AGBL4: variants seen among roughly 807,000 people sequenced by gnomAD.
AGBL4 encodes cytosolic carboxypeptidase 6.
In AGBL4, 58 loss-of-function variants were observed where a neutral mutation model predicts 66.4. The ratio of observed to expected loss-of-function variants is 0.87; its 90% CI spans 0.71 to 1.09. The LOEUF is 1.09. AGBL4 is among the 50% of genes least tolerant of loss of function. The probability of loss-of-function intolerance (pLI) is 0.00; values close to 1 mark genes in which losing one functional copy is unlikely to be tolerated. For missense variants in AGBL4, 579 were observed against 631.0 expected (o/e 0.92, Z 0.88); for synonymous variants, 234 against 222.9 (o/e 1.05, Z -0.44).
chr1:49,117,859 A>C (rs1645562512), intron 4 of AGBL4, among the ~76,000 whole-genome samples: 1 of 152,140 alleles, frequency 6.6e-6, no homozygotes, highest in South Asian at 2.1e-4. Flanking sequence ...TGAGCATGGA[A>C]TATTCTTCCA....
chr1:49,347,252 CT>C (rs35313917), intron 3 of AGBL4, among the ~76,000 whole-genome samples: 60,632 of 115,360 alleles, frequency 0.53, 14,222 homozygotes, highest in Middle Eastern at 0.61. Flanking sequence ...TTCTTTCTTT[CT>C]TTTTTTTTTT....
intron 3 of AGBL4, among the ~76,000 whole-genome samples, chr1:49,285,714 A>G (rs1237693032): frequency 6.6e-6 from 1 of 152,214 alleles, no homozygotes. Flanking sequence ...ACAGAAATAC[A>G]GACTACCATC....
intron 1 of AGBL4, among the ~76,000 whole-genome samples, chr1:49,899,553 C>A (rs1649567249): frequency 6.6e-6 from 1 of 151,544 alleles, no homozygotes; most frequent in African/African-American, 2.4e-5. Context: ...GGGCCACTTA[C>A]TATGTGGTCT....
At chr1:49,196,230 C>CT (rs1302703831) in intron 4 of AGBL4, among the ~76,000 whole-genome samples, 39 of 152,030 alleles carry the variant, frequency 2.6e-4, no homozygotes, top group Admixed American at 2.6e-3. Flanking sequence ...CTTTTTCATT[C>CT]TTTTTTAAAA....
At chr1:49,083,026 C>T (rs1173429400) in intron 4 of AGBL4, among the ~76,000 whole-genome samples, 1 of 152,228 alleles carries the variant, frequency 6.6e-6, no homozygotes, top group Non-Finnish European at 1.5e-5. Context: ...CCATGTCTCA[C>T]ATTCAGGTCA....
intron 5 of AGBL4, among the ~76,000 whole-genome samples, chr1:48,919,705 T>A (rs1157119464): frequency 6.6e-6 from 1 of 152,172 alleles, no homozygotes; most frequent in African/African-American, 2.4e-5. Flanking sequence ...GCATGGCTCT[T>A]ACCCACTAGA....
chr1:49,800,288 C>A, intron 2 of AGBL4, among the ~76,000 whole-genome samples: 1 of 152,146 alleles, frequency 6.6e-6, no homozygotes, highest in African/African-American at 2.4e-5. Context: ...ACTTTTTGTC[C>A]CTTGCTGCTT....
chr1:48,902,722 A>G (rs569386728), intron 5 of AGBL4, among the ~76,000 whole-genome samples: 1 of 152,170 alleles, frequency 6.6e-6, no homozygotes, highest in South Asian at 2.1e-4. Context: ...TTGCATTGGT[A>G]CAAAGCTTCT....
chr1:48,764,097 C>G (rs932905777), intron 6 of AGBL4, among the ~76,000 whole-genome samples: 1 of 152,054 alleles, frequency 6.6e-6, no homozygotes, highest in African/African-American at 2.4e-5. Context: ...GATAAAAACA[C>G]AAGAAAAGAG....
At chr1:48,989,872 T>C (rs1043584009) in intron 5 of AGBL4, among the ~76,000 whole-genome samples, 2 of 152,046 alleles carry the variant, frequency 1.3e-5, no homozygotes, top group Non-Finnish European at 2.9e-5. Flanking sequence ...TTCGATATAC[T>C]GATTTCCATT....
intron 1 of AGBL4, among the ~76,000 whole-genome samples, chr1:49,979,860 A>C (rs1160093935): frequency 1.3e-5 from 2 of 152,216 alleles, no homozygotes; most frequent in African/African-American, 4.8e-5. Context: ...TACAAAAAAA[A>C]ATTAATTGCT....
At chr1:49,700,298 A>AATAC (rs1287621112) in intron 2 of AGBL4, among the ~76,000 whole-genome samples, 3 of 146,368 alleles carry the variant, frequency 2.0e-5, no homozygotes. Flanking sequence ...AAAAACATTA[A>AATAC]ATAGATAGAT....
intron 6 of AGBL4, among the ~76,000 whole-genome samples, chr1:48,772,303 C>A (rs1934377): frequency 0.97 from 148,276 of 152,322 alleles, 72,285 homozygotes; most frequent in East Asian, 1. Flanking sequence ...GGAATAGGGA[C>A]TACCACTGAA....
chr1:48,720,975 T>C (rs1647137588), intron 6 of AGBL4, among the ~76,000 whole-genome samples: 1 of 144,656 alleles, frequency 6.9e-6, no homozygotes, highest in Non-Finnish European at 1.5e-5. Flanking sequence ...TTTTTTTTTT[T>C]CTCCCAAGGT....
chr1:48,836,557 A>G (rs1173603867), intron 6 of AGBL4, among the ~76,000 whole-genome samples: 1 of 152,106 alleles, frequency 6.6e-6, no homozygotes, highest in Non-Finnish European at 1.5e-5. Context: ...CTACTGCACA[A>G]AAGAAAAAAA....
intron 8 of AGBL4, among the ~76,000 whole-genome samples, chr1:48,637,152 A>G (rs1245439077): frequency 6.6e-6 from 1 of 152,232 alleles, no homozygotes; most frequent in African/African-American, 2.4e-5. Context: ...ACATAATGGT[A>G]ACTCAAAAAT....
intron 3 of AGBL4, among the ~76,000 whole-genome samples, chr1:49,286,269 A>T (rs935336291): frequency 1.3e-5 from 2 of 152,092 alleles, no homozygotes; most frequent in Admixed American, 6.6e-5. Flanking sequence ...TGAATGGGCA[A>T]AAACTGGAAG....
chr1:48,626,680 G>A (rs1214993905), intron 9 of AGBL4, among the ~76,000 whole-genome samples: 1 of 152,098 alleles, frequency 6.6e-6, no homozygotes, highest in African/African-American at 2.4e-5. Flanking sequence ...CCAAGCAAAT[G>A]AGTGGTTCAG....
At chr1:48,880,205 G>T (rs760903480) in intron 5 of AGBL4, among the ~76,000 whole-genome samples, 18 of 152,174 alleles carry the variant, frequency 1.2e-4, no homozygotes, top group Non-Finnish European at 2.2e-4. Context: ...TTATGAGTGA[G>T]AACATGTGAT....
Sources: gnomAD v4.1 joint callset for allele counts (sites outside exome capture counted in the v4.1 genomes callset) on GRCh38, gnomAD v4.1.1 for gene constraint, MANE v1.5 for transcripts, NCBI Gene and HGNC (gene_info 2026-07-23, HGNC 2026-07-21) for gene names.